Variants in MANSC1 observed in about 807,000 individuals in gnomAD.
MANSC1 encodes the protein MANSC domain-containing protein 1.
Under a neutral mutation model 14.1 loss-of-function variants are expected in MANSC1, and 13 were observed. The observed-to-expected ratio is 0.92, with a 90% CI of 0.60 to 1.46. The LOEUF (loss-of-function observed/expected upper bound fraction) is 1.46. Among genes scored for constraint, MANSC1 ranks in the 40% most tolerant of loss-of-function variants. The probability of loss-of-function intolerance (pLI) is 0.00; values close to 1 mark genes in which losing one functional copy is unlikely to be tolerated. For synonymous variants in MANSC1, 227 were observed against 200.7 expected (o/e 1.13, Z -1.11); for missense variants, 486 against 511.4 (o/e 0.95, Z 0.48).
chr12:12,330,334 A>G lies in MANSC1; in HGVS notation c.989T>C (p.Leu330Ser). 1 of 1,614,218 alleles carries G rather than the reference A, an allele frequency of 6.2e-7. No individual in the cohort carries two copies. The highest frequency in any genetic ancestry group is 1.3e-5 in the African/African-American group (1 of 75,052). Residue 330 changes from leucine (L) to serine (S), a missense_variant, in exon 4 of 4, where the codon TTG becomes TCG. Transcript: ENST00000535902. The part of the protein sequence containing the change: ...IPFTEISNLT[L>S]NTGNVYNPTA... ...AGGGTTATACACATTCCCTGTGTTC[A>G]AAGTTAGGTTGGAGATTTCTGTAAA... is the stretch of plus-strand genomic sequence containing the variant.
chr12:12,330,456 C>G lies in MANSC1; in HGVS notation c.867G>C (p.Arg289=). The change falls in exon 4 of 4, where the codon CGG becomes CGC. Residue 289 remains arginine (R), a synonymous_variant. Transcript: ENST00000535902. ...CCATTGCTTGGAGTGTAGCCGCAGC[C>G]CGTGTAAAAACTGTAGAAATGAGGG... The part of the protein sequence containing the change: ...PTTLISTVFT[R]AAATLQAMAT... The G allele has an allele frequency of 6.2e-7, 1 of 1,614,164 alleles. No individual in the cohort carries two copies. Among genetic ancestry groups the G allele is most frequent in the African/African-American group, 1.3e-5 (1 of 75,018 alleles).
In MANSC1 at chr12:12,338,513, T is replaced by C. The variant is rs1327522488; in HGVS notation, c.271A>G (p.Arg91Gly). The change falls in exon 3 of 4, where the codon AGA (arginine) becomes GGA (glycine). Residue 91 changes from arginine to glycine, a missense_variant. Coordinates refer to ENST00000535902, the MANE Select transcript of MANSC1 (RefSeq NM_018050.4). ...AAAAATAGGTAGCAGTTGGGTTGTC[T>C]AGCTGTTTTTCGAGTGTCGAAGATC... ...LMIFDTRKTA[R>G]QPNCYLFFCP... is the part of the protein sequence containing the mutation. 1 of 1,613,844 alleles carries C rather than the reference T, an allele frequency of 6.2e-7. No homozygotes were observed. The highest frequency in any genetic ancestry group is 8.5e-7 in the Non-Finnish European group (1 of 1,179,908).
rs536743365 is a variant in MANSC1 at position 12,344,916 on chromosome 12, C to CATATATATAT, written c.-100-1512_-100-1503dup. Among the ~76,000 whole-genome samples, 76 of 33,528 alleles carry CATATATATAT rather than the reference C, an allele frequency of 2.3e-3. 6 individuals carry two copies. Among genetic ancestry groups the CATATATATAT allele is most frequent in the Non-Finnish European group, 2.9e-3 (51 of 17,636 alleles). 22.0% of individuals were successfully genotyped at this position (33,528 alleles called of 152,430 possible). A position where few individuals can be genotyped will look rare whatever the true frequency, so the allele number is the denominator to read the frequency against. On this transcript the variant is annotated intron_variant, in intron 1 of 3. Coordinates refer to ENST00000535902, the MANE Select transcript of MANSC1 (RefSeq NM_018050.4). ...TGTGAGTTAATACTTAATAAACTCC[C>CATATATATAT]ATATATATATATATATATATATATA...
Position 12,338,465 on chromosome 12 carries a change from G to C in MANSC1, c.319C>G (p.Pro107Ala), listed in dbSNP as rs368806657. 8 of 1,612,364 alleles carry C rather than the reference G, an allele frequency of 5.0e-6. No individual in the cohort carries two copies. In the African/African-American group the frequency reaches 1.1e-4, roughly 22 times the overall value. Residue 107 changes from proline (P) to alanine (A), a missense_variant, in exon 3 of 4, where the codon CCA (proline) becomes GCA (alanine). Pro to Ala is a conservative substitution (Grantham distance 27). Transcript: ENST00000535902. Reference protein sequence around the residue: ...LFFCPNEEACPLKPAKGLMSY... With the variant: ...LFFCPNEEACALKPAKGLMSY... The stretch of plus-strand genomic sequence containing the variant: ...ATAAGTCCTTTTGCTGGTTTCAATG[G>C]ACAGGCTTCCTCGTTGGGACAGAAA...
In MANSC1 at chr12:12,330,586, G is replaced by A. The variant is rs1157498879; in HGVS notation, c.737C>T (p.Thr246Ile). 6.2e-7 allele frequency: 1 copy of A among 1,614,108 alleles called. No homozygotes were observed. The highest frequency in any genetic ancestry group is 8.5e-7 in the Non-Finnish European group (1 of 1,180,056). ...HTTSATPKPA[T>I]LLPTNASVTP... is the part of the protein sequence containing the mutation. Reference sequence around the variant, plus strand: ...CACTGAAGCATTGGTGGGTAGAAGGGTGGCGGGCTTTGGAGTAGCCGAGGT... The same window carrying A: ...CACTGAAGCATTGGTGGGTAGAAGGATGGCGGGCTTTGGAGTAGCCGAGGT... Residue 246 changes from threonine (T) to isoleucine (I), a missense_variant, in exon 4 of 4, where the codon ACC (threonine) becomes ATC (isoleucine). By Grantham distance (89) the Thr-to-Ile change is moderately conservative (BLOSUM62 -1). Coordinates refer to ENST00000535902, the MANE Select transcript of MANSC1 (RefSeq NM_018050.4).
chr12:12,344,691 G>A (rs1204815331), intron 1 of MANSC1, among the ~76,000 whole-genome samples: 3 of 149,358 alleles, frequency 2.0e-5, no homozygotes, highest in South Asian at 2.1e-4. Flanking sequence ...GGATGATCTC[G>A]ATCTCCTGAC....
rs1862890367 is a variant in MANSC1, at chr12:12,338,571, A to C, written c.224-11T>G. ...TACATGCTTTGTCCCCTGCAATGAA[A>C]GGTTTCATAAGCATGATTTTGAAAT... On this transcript the variant is annotated splice_polypyrimidine_tract_variant and intron_variant, in intron 2 of 3. Coordinates refer to ENST00000535902, the MANE Select transcript of MANSC1 (RefSeq NM_018050.4). 1.2e-6 allele frequency: 2 copies of C among 1,607,524 alleles called. No homozygotes were observed. The highest frequency in any genetic ancestry group is 1.7e-6 in the Non-Finnish European group (2 of 1,178,484).
chr12:12,338,859 G>T (rs2135993254), intron 2 of MANSC1: 1 of 392,676 alleles, frequency 2.5e-6, no homozygotes, highest in Non-Finnish European at 4.7e-6. Context: ...AGAAGGCAGG[G>T]CTGAAAGGCA....
Position 12,338,543 on chromosome 12 carries a change from A to C in MANSC1, c.241T>G (p.Leu81Val). The C allele has an allele frequency of 6.2e-7, 1 of 1,612,886 alleles. No homozygotes were observed. The highest frequency in any genetic ancestry group is 8.5e-7 in the Non-Finnish European group (1 of 1,179,764). ...KNISGDKACN[L>V]MIFDTRKTAR... ...GTTTTTCGAGTGTCGAAGATCATCA[A>C]GTTACATGCTTTGTCCCCTGCAATG... The change falls in exon 3 of 4, where the codon TTG becomes GTG. Residue 81 changes from leucine to valine, a missense_variant. Leu to Val is a conservative substitution (Grantham distance 32). Transcript: ENST00000535902.
chr12:12,346,840 A>G (rs1249268982), intron 1 of MANSC1, among the ~76,000 whole-genome samples: 1 of 152,224 alleles, frequency 6.6e-6, no homozygotes, highest in East Asian at 1.9e-4. Flanking sequence ...CAATACCAAA[A>G]GCACACTCCA....
chr12:12,334,288 GA>G (rs200973287), intron 3 of MANSC1, among the ~76,000 whole-genome samples: 27,416 of 135,452 alleles, frequency 0.2, 2,999 homozygotes, highest in Middle Eastern at 0.35. Context: ...TAAAAAAAAA[GA>G]AAAAAAAAAA....
rs1347066072 is a variant in MANSC1, at chr12:12,328,121, G to T, written c.*1906C>A. On this transcript the variant is annotated 3_prime_UTR_variant, in exon 4 of 4. Transcript: ENST00000535902. ...GCAAATTGAAGTCCAGAGGAAAGAG[G>T]TATCAAACTGACCCAGGGGACTTCT... 6.6e-6 allele frequency: 1 copy of T among 152,026 alleles called. No homozygotes were observed. Among genetic ancestry groups the T allele is most frequent in the Non-Finnish European group, 1.5e-5 (1 of 68,010 alleles). The allele number at this position is 152,026 out of a possible 1,614,324, so 9.4% of individuals were successfully genotyped here.
intron 1 of MANSC1, among the ~76,000 whole-genome samples, chr12:12,345,990 C>T (rs1188412468): frequency 6.6e-6 from 1 of 152,134 alleles, no homozygotes. Context: ...TCAGTGCTTC[C>T]TGGCCAGGCG....
At chr12:12,340,287 C>T (rs1271108260) in intron 2 of MANSC1, among the ~76,000 whole-genome samples, 1 of 152,202 alleles carries the variant, frequency 6.6e-6, no homozygotes, top group Non-Finnish European at 1.5e-5. Flanking sequence ...AAAACATACG[C>T]TCTGTCGACC....
At chr12:12,334,114 C>G (rs577476472) in intron 3 of MANSC1, among the ~76,000 whole-genome samples, 1 of 151,910 alleles carries the variant, frequency 6.6e-6, no homozygotes, top group Admixed American at 6.6e-5. Context: ...ATTAGCCTGG[C>G]ATGGTGGTGC....
At chr12:12,349,657 G>C (rs1863052292) in intron 1 of MANSC1, among the ~76,000 whole-genome samples, 1 of 152,120 alleles carries the variant, frequency 6.6e-6, no homozygotes, top group East Asian at 1.9e-4. Flanking sequence ...TCGTCTTACA[G>C]CACACTATAA....
intron 1 of MANSC1, among the ~76,000 whole-genome samples, chr12:12,345,999 C>T (rs1565806888): frequency 2.6e-5 from 4 of 152,284 alleles, no homozygotes; most frequent in Admixed American, 1.3e-4. Context: ...CCTGGCCAGG[C>T]GCCATGGCTC....
At chr12:12,341,958 CTCCG>C (rs111504934) in intron 2 of MANSC1, among the ~76,000 whole-genome samples, 16,430 of 152,262 alleles carry the variant, frequency 0.11, 895 homozygotes, top group Non-Finnish European at 0.12. Context: ...CGCCACTGCG[CTCCG>C]TCCGGCCTGG....
In MANSC1 at chr12:12,338,411, T is replaced by G. The variant is rs201082604; in HGVS notation, c.364+9A>C. On this transcript the variant is annotated intron_variant, in intron 3 of 3. Transcript: ENST00000535902. ...AATCACAAAAGAAAAAGTATAATGCTTTCATTACCTGTAATTATCCTGTAA... is the reference window on the plus strand; with the variant it reads ...AATCACAAAAGAAAAAGTATAATGCGTTCATTACCTGTAATTATCCTGTAA... 6.3e-7 allele frequency: 1 copy of G among 1,577,708 alleles called. No individual in the cohort carries two copies. Among genetic ancestry groups the G allele is most frequent in the Non-Finnish European group, 8.6e-7 (1 of 1,166,856 alleles).
Sources: gnomAD v4.1 joint callset for allele counts (sites outside exome capture counted in the v4.1 genomes callset) on GRCh38, gnomAD v4.1.1 for gene constraint, MANE v1.5 for transcripts, NCBI Gene and HGNC (gene_info 2026-07-23, HGNC 2026-07-21) for gene names.